The following SHTN1 variants were observed in gnomAD, a reference collection of about 807,000 sequenced individuals.
SHTN1 encodes the protein shootin 1.
Under a neutral mutation model 83.1 loss-of-function variants are expected in SHTN1, and 42 were observed. The observed-to-expected ratio is 0.51, with a 90% CI of 0.39 to 0.65. The LOEUF is 0.65. Among genes scored for constraint, SHTN1 ranks in the 30% least tolerant of loss-of-function variants. The probability of loss-of-function intolerance (pLI) is 0.00; values close to 1 mark genes in which losing one functional copy is unlikely to be tolerated. For synonymous variants in SHTN1, 224 were observed against 247.7 expected, an observed-to-expected ratio of 0.90 and a Z score of 0.90; for missense variants, 622 against 737.8, an observed-to-expected ratio of 0.84 and a Z score of 1.82.
intron 15 of SHTN1, among the ~76,000 whole-genome samples, chr10:116,904,279 C>T (rs1303678485): frequency 1.3e-5 from 2 of 152,064 alleles, no homozygotes; most frequent in Admixed American, 6.6e-5. Flanking sequence ...TGCTTACTTT[C>T]CCCCCTGGAA....
chr10:117,050,850 T>C (rs1433669029), intron 1 of SHTN1, among the ~76,000 whole-genome samples: 2 of 152,068 alleles, frequency 1.3e-5, no homozygotes, highest in African/African-American at 4.8e-5. Flanking sequence ...ACCCAGGAGT[T>C]TGAGGCAGCC....
intron 15 of SHTN1, among the ~76,000 whole-genome samples, chr10:116,902,790 G>T (rs1054456752): frequency 6.6e-6 from 1 of 152,158 alleles, no homozygotes; most frequent in Non-Finnish European, 1.5e-5. Context: ...TAAAGTGAGA[G>T]GATAACCTTG....
chr10:116,949,350 G>A (rs1050344395), intron 6 of SHTN1, among the ~76,000 whole-genome samples: 6 of 151,642 alleles, frequency 4.0e-5, no homozygotes, highest in Non-Finnish European at 8.8e-5. Flanking sequence ...GGCTGGTCTC[G>A]AACTCCTGGG....
chr10:116,922,390 G>A (rs1387843266), intron 11 of SHTN1, among the ~76,000 whole-genome samples: 2 of 151,554 alleles, frequency 1.3e-5, no homozygotes, highest in Non-Finnish European at 2.9e-5. Flanking sequence ...TTTCACTCTG[G>A]AAAACTCTTT....
chr10:117,057,550 T>C (rs1021856490), intron 1 of SHTN1, among the ~76,000 whole-genome samples: 4 of 152,142 alleles, frequency 2.6e-5, no homozygotes, highest in African/African-American at 9.7e-5. Flanking sequence ...GCTCCTTCCC[T>C]TTTCCCTTCA....
At chr10:117,089,034 C>G (rs1250602609) in intron 1 of SHTN1, among the ~76,000 whole-genome samples, 1 of 152,168 alleles carries the variant, frequency 6.6e-6, no homozygotes, top group Non-Finnish European at 1.5e-5. Context: ...ATCTCTGGCA[C>G]ATTAATAGGG....
At chr10:117,093,872 G>A (rs985591255) in intron 1 of SHTN1, among the ~76,000 whole-genome samples, 31 of 152,304 alleles carry the variant, frequency 2.0e-4, no homozygotes, top group Non-Finnish European at 4.4e-5. Context: ...AATGCTTTCT[G>A]TCAAGGGTAG....
intron 1 of SHTN1, among the ~76,000 whole-genome samples, chr10:116,981,879 A>T (rs1361857099): frequency 1.3e-5 from 2 of 152,160 alleles, no homozygotes; most frequent in Non-Finnish European, 2.9e-5. Context: ...CAACATGGTG[A>T]AACACCGTCT....
intron 12 of SHTN1, 96 bp downstream of exon 12, chr10:116,921,338 C>A: frequency 1.2e-6 from 1 of 830,454 alleles, no homozygotes; most frequent in Non-Finnish European, 2.0e-6. Flanking sequence ...ACTACTCTCC[C>A]AACAACATGT....
chr10:117,084,068 C>T (rs1853312171), intron 1 of SHTN1, among the ~76,000 whole-genome samples: 1 of 152,212 alleles, frequency 6.6e-6, no homozygotes, highest in South Asian at 2.1e-4. Context: ...CTCCATCCAG[C>T]TTTGTTCCGT....
At chr10:117,117,555 T>G (rs942093160) in intron 1 of SHTN1, among the ~76,000 whole-genome samples, 1 of 152,182 alleles carries the variant, frequency 6.6e-6, no homozygotes, top group Non-Finnish European at 1.5e-5. Flanking sequence ...AAAACTTATA[T>G]GGAACCACAA....
In SHTN1 at chr10:116,881,993, T is replaced by A. The variant is rs1440106096; in HGVS notation, c.*4351A>T. The A allele has an allele frequency of 4.9e-6, 1 of 205,430 alleles. No homozygotes were observed. Among genetic ancestry groups the A allele is most frequent in the Admixed American group, 5.9e-5 (1 of 16,822 alleles). The allele number at this position is 205,430 out of a possible 1,614,324, so 12.7% of individuals were successfully genotyped here. On this transcript the variant is annotated 3_prime_UTR_variant, in exon 17 of 17. Coordinates refer to ENST00000355371, the MANE Select transcript of SHTN1 (RefSeq NM_001127211.3). The stretch of plus-strand genomic sequence containing the variant: ...CACACTCAGTCAAACACCCCATCCT[T>A]TACCAATCAGAATATCTCTGAGAAC...
chr10:117,020,898 A>T, intron 2 of SHTN1, among the ~76,000 whole-genome samples: 1 of 152,212 alleles, frequency 6.6e-6, no homozygotes. Flanking sequence ...TGCAAGACAT[A>T]TATCTAAAAT....
chr10:117,044,427 G>A (rs377203449), intron 2 of SHTN1, among the ~76,000 whole-genome samples: 54 of 152,140 alleles, frequency 3.5e-4, no homozygotes, highest in Middle Eastern at 6.8e-3. Context: ...GGAAAAAAAA[G>A]GATTTAGAAA....
In SHTN1 at chr10:116,886,134, C is replaced by G. The variant is rs1444946126; in HGVS notation, c.*210G>C. 1.5e-6 allele frequency: 1 copy of G among 666,592 alleles called. No individual in the cohort carries two copies. The highest frequency in any genetic ancestry group is 2.4e-6 in the Non-Finnish European group (1 of 415,038). The allele number at this position is 666,592 out of a possible 1,614,324, so 41.3% of individuals were successfully genotyped here. On this transcript the variant is annotated 3_prime_UTR_variant, in exon 17 of 17. Coordinates refer to ENST00000355371, the MANE Select transcript of SHTN1 (RefSeq NM_001127211.3). The stretch of plus-strand genomic sequence containing the variant: ...AAAAAAACCTCATCTTTATAAAGAT[C>G]AAAAAACCAAAACCTACTAGGAATG...
rs1429578354 is a variant in SHTN1, at chr10:116,883,834, G to GA, written c.*2509dup. 1.1e-5 allele frequency: 2 copies of GA among 177,790 alleles called. No homozygotes were observed. Among genetic ancestry groups the GA allele is most frequent in the African/African-American group, 4.8e-5 (2 of 41,558 alleles). The allele number at this position is 177,790 out of a possible 1,614,324, so 11.0% of individuals were successfully genotyped here. A position where few individuals can be genotyped will look rare whatever the true frequency, so the allele number is the denominator to read the frequency against. On this transcript the variant is annotated 3_prime_UTR_variant, in exon 17 of 17. Coordinates refer to ENST00000355371, the MANE Select transcript of SHTN1 (RefSeq NM_001127211.3). ...ACTTCCATGGGACTGTTCAGCTGCT[G>GA]AAACTGCTGTGGGTGAGGACTTTGT...
Position 116,960,167 on chromosome 10 carries a change from C to T in SHTN1, c.236G>A (p.Cys79Tyr). 1 of 1,611,182 alleles carries T rather than the reference C, an allele frequency of 6.2e-7. No individual in the cohort carries two copies. Among genetic ancestry groups the T allele is most frequent in the Non-Finnish European group, 8.5e-7 (1 of 1,177,692 alleles). ...TGCCAAAGCTTCAGCACTTTCTCGA[C>T]AAGTCTTCTCTATTTCAAGATGGTT... ...MQNHLEIEKTCRESAEALATK... is the reference protein window; with the variant it reads ...MQNHLEIEKTYRESAEALATK... The change falls in exon 4 of 17, where the codon TGT becomes TAT. Residue 79 changes from cysteine (C) to tyrosine (Y), a missense_variant. Cys to Tyr is a radical substitution (Grantham distance 194, BLOSUM62 -2). Coordinates refer to ENST00000355371, the MANE Select transcript of SHTN1 (RefSeq NM_001127211.3).
chr10:116,929,764 G>T, intron 10 of SHTN1, 85 bp downstream of exon 10: 1 of 848,156 alleles, frequency 1.2e-6, no homozygotes, highest in South Asian at 2.8e-5. Flanking sequence ...AAATGTTCTA[G>T]ACTAACTATA....
intron 11 of SHTN1, among the ~76,000 whole-genome samples, chr10:116,923,607 G>A (rs1334328007): frequency 6.6e-6 from 1 of 151,382 alleles, no homozygotes; most frequent in African/African-American, 2.4e-5. Flanking sequence ...CCATGCTGGA[G>A]TACAAGGGCA....
Sources: allele counts gnomAD v4.1 joint callset (sites outside exome capture counted in the v4.1 genomes callset), GRCh38; gene constraint gnomAD v4.1.1; transcripts MANE v1.5; gene names NCBI Gene and HGNC (gene_info 2026-07-23, HGNC 2026-07-21).